Variants in CNTNAP2 observed in about 807,000 individuals in gnomAD.
The protein encoded by CNTNAP2 is contactin associated protein 2.
Under a neutral mutation model 155.2 loss-of-function variants are expected in CNTNAP2, and 98 were observed. The ratio of observed to expected loss-of-function variants is 0.63; its 90% CI spans 0.54 to 0.75. The LOEUF is 0.75. Ranked by LOEUF, CNTNAP2 falls within the 30% of genes least tolerant of loss-of-function variation. The pLI, the probability that CNTNAP2 is intolerant of heterozygous loss-of-function variation, is 0.00. For synonymous variants in CNTNAP2, 651 were observed against 631.2 expected (o/e 1.03, Z -0.47); for missense variants, 1,727 against 1,688.1 (o/e 1.02, Z -0.40).
chr7:147,606,014 C>G (rs916622387), intron 12 of CNTNAP2, among the ~76,000 whole-genome samples: 6 of 151,956 alleles, frequency 3.9e-5, no homozygotes, highest in African/African-American at 1.2e-4. Context: ...AGTCTAACAA[C>G]GGTTCAGGTA....
intron 14 of CNTNAP2, among the ~76,000 whole-genome samples, chr7:147,952,971 C>T (rs1200805319): frequency 6.6e-6 from 1 of 152,026 alleles, no homozygotes; most frequent in African/African-American, 2.4e-5. Flanking sequence ...GGGAATATTC[C>T]CAAGGTCACG....
At chr7:147,170,625 T>C (rs1802207960) in intron 8 of CNTNAP2, among the ~76,000 whole-genome samples, 1 of 152,038 alleles carries the variant, frequency 6.6e-6, no homozygotes, top group Non-Finnish European at 1.5e-5. Context: ...AGGTACCAGC[T>C]CAGCACTCCT....
chr7:148,268,173 C>T (rs1056153701), intron 21 of CNTNAP2, among the ~76,000 whole-genome samples: 2 of 152,078 alleles, frequency 1.3e-5, no homozygotes, highest in Admixed American at 6.6e-5. Flanking sequence ...GAATTTTGTT[C>T]ATATGAGGCT....
chr7:147,132,438 T>A lies in CNTNAP2; in HGVS notation c.1277T>A (p.Leu426His). Residue 426 changes from leucine to histidine, a missense_variant, in exon 8 of 24, where the codon CTC becomes CAC. Leu to His is a moderately conservative substitution (Grantham distance 99). Coordinates refer to ENST00000361727, the MANE Select transcript of CNTNAP2 (RefSeq NM_014141.6). ...AATTTGGGCAATGTGGAGATTGACC[T>A]CACTGAAAGCAAAGTGGGTGTTCAC... ...ADNLGNVEID[L>H]TESKVGVHIN... is the part of the protein sequence containing the mutation. 6.2e-7 allele frequency: 1 copy of A among 1,613,644 alleles called. No individual in the cohort carries two copies. The highest frequency in any genetic ancestry group is 8.5e-7 in the Non-Finnish European group (1 of 1,179,736).
chr7:147,179,779 G>A (rs1052291980), intron 8 of CNTNAP2, among the ~76,000 whole-genome samples: 11 of 152,092 alleles, frequency 7.2e-5, no homozygotes, highest in Non-Finnish European at 1.6e-4. Flanking sequence ...AGTGGTTTTG[G>A]GAAAGAGGAT....
At chr7:147,386,648 A>G (rs765391120) in intron 9 of CNTNAP2, among the ~76,000 whole-genome samples, 1 of 152,132 alleles carries the variant, frequency 6.6e-6, no homozygotes, top group Non-Finnish European at 1.5e-5. Flanking sequence ...CCATATCATT[A>G]TCAACATTTT....
chr7:148,269,752 T>C (rs1490905387), intron 21 of CNTNAP2, among the ~76,000 whole-genome samples: 1 of 152,164 alleles, frequency 6.6e-6, no homozygotes, highest in Non-Finnish European at 1.5e-5. Flanking sequence ...AAAGTGGCTG[T>C]TTAGTGGAGT....
intron 22 of CNTNAP2, among the ~76,000 whole-genome samples, chr7:148,384,929 A>ATATT (rs1337185946): frequency 6.6e-6 from 1 of 152,216 alleles, no homozygotes; most frequent in Non-Finnish European, 1.5e-5. Context: ...AGCTACAATA[A>ATATT]TATTAATAAT....
At chr7:146,258,786 T>C (rs564801977) in intron 1 of CNTNAP2, among the ~76,000 whole-genome samples, 4 of 152,332 alleles carry the variant, frequency 2.6e-5, no homozygotes, top group African/African-American at 9.6e-5. Context: ...TGAAGTGACA[T>C]TTTCCTAGCT....
rs536543116 is a variant in CNTNAP2 at position 148,292,090 on chromosome 7, C to T, written c.3475+24964C>T. On this transcript the variant is annotated intron_variant, in intron 21 of 23. Transcript: ENST00000361727. ...TCAGCACTAGCTAGAACCAGGAAAC[C>T]CCAAAAGCAAAGGTTTTTTTGTTTT... Among the ~76,000 whole-genome samples, 94 of 152,192 alleles carry T rather than the reference C, an allele frequency of 6.2e-4. No individual in the cohort carries two copies. In the Middle Eastern group the frequency reaches 0.027, roughly 44 times the overall value.
chr7:147,241,043 A>C (rs1014555058), intron 8 of CNTNAP2, among the ~76,000 whole-genome samples: 5 of 152,198 alleles, frequency 3.3e-5, no homozygotes, highest in Non-Finnish European at 5.9e-5. Flanking sequence ...TGCAATGCCC[A>C]GTTTCAGGCA....
chr7:146,262,490 T>G (rs1799935117), intron 1 of CNTNAP2, among the ~76,000 whole-genome samples: 1 of 152,184 alleles, frequency 6.6e-6, no homozygotes, highest in Admixed American at 6.5e-5. Context: ...GAAAGAAATA[T>G]TTCTTCTCTT....
At chr7:146,693,982 A>C (rs1800741990) in intron 1 of CNTNAP2, among the ~76,000 whole-genome samples, 1 of 152,150 alleles carries the variant, frequency 6.6e-6, no homozygotes, top group South Asian at 2.1e-4. Flanking sequence ...GAGAACAAAA[A>C]AGCAGTGTAA....
intron 11 of CNTNAP2, among the ~76,000 whole-genome samples, chr7:147,498,229 C>T (rs1798746842): frequency 6.6e-6 from 1 of 151,652 alleles, no homozygotes; most frequent in South Asian, 2.1e-4. Context: ...GCTGATTAGC[C>T]ACAAGGCCAG....
intron 12 of CNTNAP2, among the ~76,000 whole-genome samples, chr7:147,602,991 G>GTA (rs1057021275): frequency 7.9e-5 from 12 of 152,068 alleles, no homozygotes; most frequent in African/African-American, 2.4e-4. Context: ...AGTCCTTTGG[G>GTA]TATATACCCA....
In CNTNAP2 at chr7:147,388,364, A is replaced by G. The variant is rs532684413; in HGVS notation, c.1499-7245A>G. Among the ~76,000 whole-genome samples, 39 of 152,312 alleles carry G rather than the reference A, an allele frequency of 2.6e-4. 1 individual carries two copies. The highest frequency in any genetic ancestry group is 9.1e-4 in the African/African-American group (38 of 41,584). On this transcript the variant is annotated intron_variant, in intron 9 of 23. Coordinates refer to ENST00000361727, the MANE Select transcript of CNTNAP2 (RefSeq NM_014141.6). The stretch of plus-strand genomic sequence containing the variant: ...CCAAGGAGTCTTGGTTTTGCCCAGC[A>G]TAGAAACCAGGATCTGGGAAACAGA...
At chr7:146,120,635 G>A (rs1394053966) in intron 1 of CNTNAP2, among the ~76,000 whole-genome samples, 3 of 152,094 alleles carry the variant, frequency 2.0e-5, no homozygotes, top group East Asian at 3.9e-4. Context: ...GATGGACCAC[G>A]TGTATGTTGG....
chr7:146,871,027 T>C (rs1455164743), intron 3 of CNTNAP2, among the ~76,000 whole-genome samples: 2 of 152,204 alleles, frequency 1.3e-5, no homozygotes, highest in Non-Finnish European at 2.9e-5. Flanking sequence ...TACAAATAGA[T>C]GGACTCATTT....
chr7:148,236,575 T>A (rs1289614009), intron 20 of CNTNAP2, among the ~76,000 whole-genome samples: 1 of 152,202 alleles, frequency 6.6e-6, no homozygotes, highest in Non-Finnish European at 1.5e-5. Context: ...ACTTAGGCAT[T>A]TAGTCTGCCT....
Sources: gnomAD v4.1 joint callset for allele counts (sites outside exome capture counted in the v4.1 genomes callset) on GRCh38, gnomAD v4.1.1 for gene constraint, MANE v1.5 for transcripts, NCBI Gene and HGNC (gene_info 2026-07-23, HGNC 2026-07-21) for gene names.